Variants in PSMD1 observed in about 807,000 individuals in gnomAD.
PSMD1 encodes proteasome 26S subunit, non-ATPase 1, also known as 26S proteasome non-ATPase regulatory subunit 1.
A neutral mutation model predicts 119.0 loss-of-function variants in PSMD1; 18 were observed. That is an observed-to-expected ratio of 0.15 (90% confidence interval 0.10 to 0.22). The LOEUF is 0.22. Among genes scored for constraint, PSMD1 ranks in the 10% least tolerant of loss-of-function variants. The pLI is 1.00. For missense variants in PSMD1, 702 were observed against 1,158.5 expected, an observed-to-expected ratio of 0.61 and a Z score of 5.72; for synonymous variants, 374 against 396.6, an observed-to-expected ratio of 0.94 and a Z score of 0.68.
rs183473029 is a variant in PSMD1, at chr2:231,106,733, T to A, written c.1883+19552T>A. Among the ~76,000 whole-genome samples the A allele has an allele frequency of 2.7e-3, 412 of 152,318 alleles. 1 individual carries two copies. Among genetic ancestry groups the A allele is most frequent in the Middle Eastern group, 6.8e-3 (2 of 294 alleles). On this transcript the variant is annotated intron_variant, in intron 16 of 24. Coordinates refer to ENST00000308696, the MANE Select transcript of PSMD1 (RefSeq NM_002807.4). ...TGTGCGTATATTTAAGCACACAAAT[T>A]TGGAGGCAGTACAAAGCATGTGAGA... is the stretch of plus-strand genomic sequence containing the variant.
chr2:231,110,428 T>A (rs1695118972), intron 16 of PSMD1, among the ~76,000 whole-genome samples: 1 of 152,244 alleles, frequency 6.6e-6, no homozygotes, highest in Non-Finnish European at 1.5e-5. Flanking sequence ...TGAAGTAGCT[T>A]ATTAGAAAGA....
intron 18 of PSMD1, 32 bp downstream of exon 18, chr2:231,146,388 G>GA: frequency 6.6e-7 from 1 of 1,523,014 alleles, no homozygotes; most frequent in Non-Finnish European, 9.1e-7. Context: ...CTGGAAGAGA[G>GA]ATGGTTTGGT....
intron 17 of PSMD1, among the ~76,000 whole-genome samples, chr2:231,141,909 G>A (rs1158031257): frequency 6.6e-6 from 1 of 151,436 alleles, no homozygotes; most frequent in African/African-American, 2.4e-5. Context: ...TTGAGATGGA[G>A]TCTCACTCTG....
Position 231,165,258 on chromosome 2 carries a change from A to G in PSMD1, c.2540A>G (p.Glu847Gly). 1 of 1,595,696 alleles carries G rather than the reference A, an allele frequency of 6.3e-7. No homozygotes were observed. Among genetic ancestry groups the G allele is most frequent in the Non-Finnish European group, 8.6e-7 (1 of 1,168,058 alleles). ...GCTAAAAAGAAGGAAAAAGAAAAGG[A>G]AAAAAAGGAGGAGGAGAAAATGGAA... ...AKAKKKEKEK[E>G]KKEEEKMEVD... is the part of the protein sequence containing the mutation. The change falls in exon 22 of 25, where the codon GAA (glutamate) becomes GGA (glycine). Residue 847 changes from glutamate to glycine, a missense_variant. Coordinates refer to ENST00000308696, the MANE Select transcript of PSMD1 (RefSeq NM_002807.4).
At chr2:231,088,121 A>T (rs1347951671) in intron 16 of PSMD1, among the ~76,000 whole-genome samples, 1 of 152,138 alleles carries the variant, frequency 6.6e-6, no homozygotes, top group Non-Finnish European at 1.5e-5. Flanking sequence ...CCATCTGAGA[A>T]GATGTTTTTG....
chr2:231,064,041 A>G (rs574383153), intron 4 of PSMD1, among the ~76,000 whole-genome samples: 1 of 152,280 alleles, frequency 6.6e-6, no homozygotes, highest in South Asian at 2.1e-4. Context: ...ACCATTGTAC[A>G]AATTGTGCTT....
At position 231,077,219 on chromosome 2, in the gene PSMD1, A is replaced by G. The variant is rs1039702764; in HGVS notation, c.1071+57A>G. 63 of 1,136,976 alleles carry G rather than the reference A, an allele frequency of 5.5e-5. 1 individual carries two copies. Among genetic ancestry groups the G allele is most frequent in the African/African-American group, 8.2e-5 (5 of 60,654 alleles). 70.4% of individuals were successfully genotyped at this position (1,136,976 alleles called of 1,614,324 possible). The stretch of plus-strand genomic sequence containing the variant: ...AAAAATATTTAGTTCTTTGTTGCAT[A>G]TAAGTAATTATATTTATTTCTTGTT... On this transcript the variant is annotated intron_variant, in intron 9 of 24. Transcript: ENST00000308696.
rs115085612 is a variant in PSMD1 at position 231,069,462 on chromosome 2, G to A, written c.511-563G>A. Among the ~76,000 whole-genome samples the A allele has an allele frequency of 5.1e-3, 784 of 152,248 alleles. 6 individuals carry two copies. Among genetic ancestry groups the A allele is most frequent in the African/African-American group, 0.017 (720 of 41,534 alleles). On this transcript the variant is annotated intron_variant, in intron 5 of 24. Coordinates refer to ENST00000308696, the MANE Select transcript of PSMD1 (RefSeq NM_002807.4). The stretch of plus-strand genomic sequence containing the variant: ...ATTTATGTTGAAGGCCTTTTACAGG[G>A]TGAAGTCTCAAATATTGGGGATACT...
chr2:231,159,905 G>A (rs139757515), intron 19 of PSMD1, among the ~76,000 whole-genome samples: 5 of 152,314 alleles, frequency 3.3e-5, no homozygotes, highest in Non-Finnish European at 4.4e-5. Context: ...GATCCCTCGC[G>A]TGCGCGGTTC....
intron 16 of PSMD1, among the ~76,000 whole-genome samples, chr2:231,116,715 C>G (rs1254470754): frequency 6.6e-6 from 1 of 152,000 alleles, no homozygotes; most frequent in African/African-American, 2.4e-5. Flanking sequence ...TTTATAAACT[C>G]ATTCCCACTT....
In PSMD1 at chr2:231,109,505, G is replaced by T. The variant is rs1433185275; in HGVS notation, c.1883+22324G>T. 4.2e-5 allele frequency: 45 copies of T among 1,063,030 alleles called. No homozygotes were observed. The East Asian group carries it at 7.6e-4, about 18-fold the overall frequency. The allele number at this position is 1,063,030 out of a possible 1,614,324, so 65.8% of individuals were successfully genotyped here. A position where few individuals can be genotyped will look rare whatever the true frequency, so the allele number is the denominator to read the frequency against. On this transcript the variant is annotated intron_variant, in intron 16 of 24. Coordinates refer to ENST00000308696, the MANE Select transcript of PSMD1 (RefSeq NM_002807.4). ...ATTGTATCCTTATAACTTTATGCTT[G>T]TTGGTGCATTATAATTCCTGGGACC... is the stretch of plus-strand genomic sequence containing the variant.
chr2:231,121,720 T>A (rs931957409), intron 16 of PSMD1, among the ~76,000 whole-genome samples: 4 of 152,232 alleles, frequency 2.6e-5, no homozygotes, highest in Non-Finnish European at 4.4e-5. Context: ...ATAATTTAAG[T>A]ATCTACCATG....
intron 16 of PSMD1, chr2:231,108,846 A>G (rs1265707027): frequency 1.2e-6 from 2 of 1,614,184 alleles, no homozygotes; most frequent in South Asian, 2.2e-5. Context: ...TTCACTCCTG[A>G]GGAAACATAG....
intron 17 of PSMD1, among the ~76,000 whole-genome samples, chr2:231,142,302 T>C (rs1422852712): frequency 2.0e-5 from 3 of 152,240 alleles, no homozygotes; most frequent in African/African-American, 7.2e-5. Flanking sequence ...AATGTAGTTA[T>C]AGAAATTGGC....
At chr2:231,099,061 C>T (rs79346883) in intron 16 of PSMD1, among the ~76,000 whole-genome samples, 9 of 151,918 alleles carry the variant, frequency 5.9e-5, no homozygotes, top group Non-Finnish European at 4.4e-5. Context: ...AGGGTTATAA[C>T]GAGGAAGGAT....
intron 16 of PSMD1, among the ~76,000 whole-genome samples, chr2:231,100,342 C>A (rs1426863725): frequency 6.6e-6 from 1 of 152,146 alleles, no homozygotes. Context: ...GCACATGGCC[C>A]CTGCTGCTGT....
At chr2:231,118,220 A>G (rs1400892898) in intron 16 of PSMD1, among the ~76,000 whole-genome samples, 2 of 152,126 alleles carry the variant, frequency 1.3e-5, no homozygotes, top group African/African-American at 4.8e-5. Context: ...GCATAAAGAA[A>G]ACACTCAATA....
chr2:231,087,496 G>A (rs1323276129), intron 16 of PSMD1, among the ~76,000 whole-genome samples: 2 of 152,136 alleles, frequency 1.3e-5, no homozygotes, highest in African/African-American at 4.8e-5. Flanking sequence ...TTGTATATTG[G>A]TAGTTCAAAT....
At chr2:231,092,848 C>T (rs1252362058) in intron 16 of PSMD1, among the ~76,000 whole-genome samples, 1 of 152,174 alleles carries the variant, frequency 6.6e-6, no homozygotes, top group Non-Finnish European at 1.5e-5. Context: ...AGGCTATCTG[C>T]AACCAAGAAT....
Sources: gnomAD v4.1 joint callset for allele counts (sites outside exome capture counted in the v4.1 genomes callset) on GRCh38, gnomAD v4.1.1 for gene constraint, MANE v1.5 for transcripts, NCBI Gene and HGNC (gene_info 2026-07-23, HGNC 2026-07-21) for gene names.